Variants in XPC observed in about 807,000 individuals in gnomAD.
XPC encodes DNA repair protein complementing XP-C cells.
A neutral mutation model predicts 95.8 loss-of-function variants in XPC; 76 were observed. The ratio of observed to expected loss-of-function variants is 0.79; its 90% CI spans 0.66 to 0.96. The LOEUF is 0.96. Among genes scored for constraint, XPC ranks in the 40% least tolerant of loss-of-function variants. The pLI is 0.00. For synonymous variants in XPC, 442 were observed against 442.1 expected, an observed-to-expected ratio of 1.00 and a Z score of 0.00; for missense variants, 1,146 against 1,179.8, an observed-to-expected ratio of 0.97 and a Z score of 0.42.
At chr3:14,159,002 C>T (rs984214843) in intron 8 of XPC, 110 bp from the exon 9 acceptor site, 2 of 1,372,472 alleles carry the variant, frequency 1.5e-6, no homozygotes, top group Admixed American at 3.9e-5. Context: ...AGAACCAATA[C>T]ATCAAGATGT....
At chr3:14,152,530 G>A in intron 10 of XPC, 114 bp from the exon 11 acceptor site, 1 of 948,780 alleles carries the variant, frequency 1.1e-6, no homozygotes, top group Admixed American at 2.8e-5. Flanking sequence ...AGCCACCCTG[G>A]AGCAGGCCGA....
chr3:14,147,992 T>G lies in XPC; in HGVS notation c.2430A>C (p.Gly810=). The G allele has an allele frequency of 6.3e-7, 1 of 1,585,430 alleles. No homozygotes were observed. Among genetic ancestry groups the G allele is most frequent in the Non-Finnish European group, 8.6e-7 (1 of 1,164,440 alleles). Reference sequence around the variant, plus strand: ...CTTTGAATTCCTCGCAGACGATGTATCCATCAGTCCTGTGGGGACACAACG... The same window carrying G: ...CTTTGAATTCCTCGCAGACGATGTAGCCATCAGTCCTGTGGGGACACAACG... ...HGGYSHPVTD[G]YIVCEEFKDV... The change falls in exon 14 of 16, where the codon GGA becomes GGC. Residue 810 remains glycine (G), a synonymous_variant. Coordinates refer to ENST00000285021, the MANE Select transcript of XPC (RefSeq NM_004628.5).
intron 10 of XPC, among the ~76,000 whole-genome samples, chr3:14,155,688 C>T (rs1237302202): frequency 6.6e-6 from 1 of 151,956 alleles, no homozygotes; most frequent in Admixed American, 6.6e-5. Context: ...CTCTCCGAGT[C>T]GCTGGGACTA....
chr3:14,147,988 T>G lies in XPC; in HGVS notation c.2434A>C (p.Ile812Leu). ...GYSHPVTDGY[I>L]VCEEFKDVLL... ...ACGTCTTTGAATTCCTCGCAGACGATGTATCCATCAGTCCTGTGGGGACAC... is the reference window on the plus strand; with the variant it reads ...ACGTCTTTGAATTCCTCGCAGACGAGGTATCCATCAGTCCTGTGGGGACAC... The change falls in exon 14 of 16, where the codon ATC becomes CTC. Residue 812 changes from isoleucine (I) to leucine (L), a missense_variant. Physicochemically the swap from Ile to Leu is conservative, Grantham distance 5. Coordinates refer to ENST00000285021, the MANE Select transcript of XPC (RefSeq NM_004628.5). 6.3e-7 allele frequency: 1 copy of G among 1,588,974 alleles called. No homozygotes were observed. The highest frequency in any genetic ancestry group is 8.6e-7 in the Non-Finnish European group (1 of 1,166,594).
intron 7 of XPC, among the ~76,000 whole-genome samples, chr3:14,163,460 A>C (rs142850483): frequency 3.3e-5 from 5 of 152,340 alleles, no homozygotes; most frequent in African/African-American, 1.2e-4. Context: ...AATGCAGATG[A>C]ATCTTGAAAA....
intron 1 of XPC, among the ~76,000 whole-genome samples, chr3:14,177,699 G>A (rs984202475): frequency 4.7e-5 from 2 of 42,418 alleles, no homozygotes; most frequent in East Asian, 1.6e-3. Context: ...GCAGGAGCAG[G>A]GCATGATTTT....
In XPC at chr3:14,160,578, G is replaced by A. The variant is rs188699976; in HGVS notation, c.901-748C>T. ...ATTGCTTTTGCCTTGTTTCTTCTGC[G>A]GCTAAAAATTTCCAAAGTGTCAAGG... On this transcript the variant is annotated intron_variant, in intron 7 of 15. Coordinates refer to ENST00000285021, the MANE Select transcript of XPC (RefSeq NM_004628.5). 4.6e-3 allele frequency among the ~76,000 whole-genome samples: 695 copies of A among 152,234 alleles called. 9 individuals are homozygous for A. The highest frequency in any genetic ancestry group is 0.016 in the African/African-American group (655 of 41,526).
intron 8 of XPC, 114 bp downstream of exon 8, chr3:14,159,627 G>C: frequency 9.1e-7 from 1 of 1,103,456 alleles, no homozygotes; most frequent in Non-Finnish European, 1.3e-6. Flanking sequence ...AGGCTCGAAA[G>C]AACCCACACT....
At chr3:14,165,693 C>T in intron 5 of XPC, 108 bp from the exon 6 acceptor site, 4 of 1,320,462 alleles carry the variant, frequency 3.0e-6, no homozygotes, top group Non-Finnish European at 4.2e-6. Flanking sequence ...TATGTGTTGC[C>T]ATTTCTACAT....
chr3:14,150,928 C>T (rs1364324320), intron 11 of XPC, among the ~76,000 whole-genome samples: 1 of 152,042 alleles, frequency 6.6e-6, no homozygotes, highest in Non-Finnish European at 1.5e-5. Context: ...GGGGAGGGTG[C>T]GGGACTCAGA....
Position 14,158,102 on chromosome 3 carries a change from C to T in XPC, c.1781G>A (p.Arg594His), listed in dbSNP as rs147900621. 7.2e-5 allele frequency: 117 copies of T among 1,613,980 alleles called. No homozygotes were observed. The highest frequency in any genetic ancestry group is 3.7e-4 in the Admixed American group (22 of 60,020). The change falls in exon 9 of 16, where the codon CGC becomes CAC. Residue 594 changes from arginine (R) to histidine (H), a missense_variant. Transcript: ENST00000285021. This position sits in a 1 kb window ranked among gnomAD's most constrained non-coding sequence, Gnocchi z 5.2. ...CCACTCAGCATCAACCCGGCACTTG[C>T]GGGTCACTGTCATCCAGACTGGGTC... ...RYDPVWMTVT[R>H]KCRVDAEWWA...
chr3:14,155,125 C>G (rs1452489967), intron 10 of XPC, among the ~76,000 whole-genome samples: 2 of 152,180 alleles, frequency 1.3e-5, no homozygotes, highest in African/African-American at 2.4e-5. Flanking sequence ...ATCATGCCCC[C>G]CACCGACATC....
At chr3:14,157,973 T>C in intron 9 of XPC, 38 bp downstream of exon 9, 1 of 1,557,154 alleles carries the variant, frequency 6.4e-7, no homozygotes, top group Non-Finnish European at 8.7e-7. Flanking sequence ...TTTAATAACC[T>C]GACTGTGTCT....
chr3:14,157,849 T>C (rs1695980931), intron 9 of XPC, among the ~76,000 whole-genome samples, 162 bp downstream of exon 9: 1 of 152,188 alleles, frequency 6.6e-6, no homozygotes, highest in Non-Finnish European at 1.5e-5. Flanking sequence ...TACACTAAAA[T>C]TAAGGCAGCA....
chr3:14,178,345 C>A (rs1696925078), intron 1 of XPC, 121 bp downstream of exon 1: 3 of 1,186,642 alleles, frequency 2.5e-6, no homozygotes, highest in East Asian at 5.8e-5. Context: ...GCTGCCCCCA[C>A]GGCGCGGAAC....
intron 10 of XPC, among the ~76,000 whole-genome samples, chr3:14,155,618 C>T (rs980723972): frequency 6.6e-6 from 1 of 151,990 alleles, no homozygotes; most frequent in Admixed American, 6.6e-5. Flanking sequence ...AGTGCAGTGG[C>T]GCGATCTTGG....
At chr3:14,153,397 T>C (rs1695776996) in intron 10 of XPC, 1 of 152,244 alleles carries the variant, frequency 6.6e-6, no homozygotes, top group Non-Finnish European at 1.5e-5. Flanking sequence ...CAAGTACCCA[T>C]ACAACCATTC....
chr3:14,164,762 T>A lies in XPC; in HGVS notation c.900+51A>T. On this transcript the variant is annotated intron_variant, in intron 7 of 15. Coordinates refer to ENST00000285021, the MANE Select transcript of XPC (RefSeq NM_004628.5). ...GGCATCTGGCACATGGCTGCCATTA[T>A]CATTAGTTAACAGTACTGATAAAAA... is the stretch of plus-strand genomic sequence containing the variant. The A allele has an allele frequency of 1.9e-6, 3 of 1,584,468 alleles. 1 individual carries two copies. The South Asian group carries it at 3.4e-5, about 18-fold the overall frequency.
intron 1 of XPC, 124 bp downstream of exon 1, chr3:14,178,342 C>G: frequency 2.6e-6 from 3 of 1,159,834 alleles, no homozygotes; most frequent in Non-Finnish European, 3.5e-6. Context: ...CGGGCTGCCC[C>G]CACGGCGCGG....
Sources: allele counts gnomAD v4.1 joint callset (sites outside exome capture counted in the v4.1 genomes callset), GRCh38; gene constraint gnomAD v4.1.1; non-coding constraint Gnocchi (gnomAD v3.1); transcripts MANE v1.5; gene names NCBI Gene and HGNC (gene_info 2026-07-23, HGNC 2026-07-21).